The following ZNRF1 variants were observed in gnomAD, a reference collection of about 807,000 sequenced individuals.
ZNRF1 encodes the protein E3 ubiquitin-protein ligase ZNRF1.
Under a neutral mutation model 18.4 loss-of-function variants are expected in ZNRF1, and 3 were observed. The observed-to-expected ratio is 0.16, with a 90% CI of 0.07 to 0.42. ZNRF1 has a LOEUF of 0.42. ZNRF1 is among the 10% of genes least tolerant of loss of function. ZNRF1 has a pLI of 0.99. For synonymous variants in ZNRF1, 157 were observed against 144.2 expected, an observed-to-expected ratio of 1.09 and a Z score of -0.64; for missense variants, 310 against 329.8, an observed-to-expected ratio of 0.94 and a Z score of 0.47.
At chr16:75,002,815 C>A (rs1300017383) in intron 1 of ZNRF1, among the ~76,000 whole-genome samples, 3 of 152,242 alleles carry the variant, frequency 2.0e-5, no homozygotes, top group Non-Finnish European at 1.5e-5. Context: ...GTGACCCCCA[C>A]GTATACCATT....
intron 1 of ZNRF1, among the ~76,000 whole-genome samples, chr16:75,007,416 G>C (rs1281392862): frequency 2.0e-5 from 3 of 152,290 alleles, no homozygotes; most frequent in South Asian, 2.1e-4. Flanking sequence ...TGTTTACCTT[G>C]AGACCTCCCT....
At chr16:75,055,305 G>A (rs1340194730) in intron 1 of ZNRF1, among the ~76,000 whole-genome samples, 4 of 152,192 alleles carry the variant, frequency 2.6e-5, no homozygotes, top group East Asian at 3.9e-4. Flanking sequence ...GCGGAGTCTC[G>A]CTGTATCACC....
chr16:75,022,760 G>A lies in ZNRF1; in HGVS notation c.424+22665G>A, dbSNP rs376389106. On this transcript the variant is annotated intron_variant, in intron 1 of 4. Transcript: ENST00000335325. ...TCATTGCAGAAAGTGCTGTTGGACA[G>A]TGCTGCTCAAAACTCTTCCGTAGTG... Among the ~76,000 whole-genome samples, 12 of 152,306 alleles carry A rather than the reference G, an allele frequency of 7.9e-5. 2 individuals are homozygous for A. The highest frequency in any genetic ancestry group is 7.7e-4 in the East Asian group (4 of 5,190).
At chr16:75,049,283 G>T (rs1215245809) in intron 1 of ZNRF1, among the ~76,000 whole-genome samples, 7 of 152,104 alleles carry the variant, frequency 4.6e-5, no homozygotes, top group Non-Finnish European at 7.4e-5. Flanking sequence ...GGGATTACAG[G>T]TGTGAGCACC....
intron 1 of ZNRF1, among the ~76,000 whole-genome samples, chr16:75,029,518 G>A (rs1162162454): frequency 6.6e-6 from 1 of 152,182 alleles, no homozygotes; most frequent in Non-Finnish European, 1.5e-5. Flanking sequence ...TATAATCCCA[G>A]CACTTTGGGA....
intron 2 of ZNRF1, among the ~76,000 whole-genome samples, chr16:75,099,444 G>A (rs1033169704): frequency 1.1e-4 from 17 of 151,962 alleles, no homozygotes; most frequent in Middle Eastern, 3.4e-3. Context: ...CTCCAGGGCC[G>A]TGCTCGCCAT....
At chr16:75,106,330 G>C (rs1372803313) in intron 3 of ZNRF1, 152 bp from the exon 4 acceptor site, 5 of 703,012 alleles carry the variant, frequency 7.1e-6, no homozygotes, top group Non-Finnish European at 7.3e-6. Context: ...TCAGAAAGTA[G>C]GGATATCTGG....
rs530078153 is a variant in ZNRF1 at position 75,062,660 on chromosome 16, G to C, written c.425-30912G>C. On this transcript the variant is annotated intron_variant, in intron 1 of 4. Coordinates refer to ENST00000335325, the MANE Select transcript of ZNRF1 (RefSeq NM_032268.5). ...GCGGTCCTCAGTCTTTCATGACTTT[G>C]TGAGAGCCTCTGTACGTCAAGCCAC... Among the ~76,000 whole-genome samples the C allele has an allele frequency of 1.1e-4, 17 of 152,326 alleles. No individual in the cohort carries two copies. In the South Asian group the frequency reaches 2.7e-3, roughly 24 times the overall value.
At chr16:75,012,620 C>T (rs2035013268) in intron 1 of ZNRF1, among the ~76,000 whole-genome samples, 1 of 152,176 alleles carries the variant, frequency 6.6e-6, no homozygotes, top group East Asian at 1.9e-4. Context: ...TTTAGGGATA[C>T]TGAGAGCTTA....
intron 1 of ZNRF1, among the ~76,000 whole-genome samples, chr16:75,037,677 C>A (rs749961345): frequency 6.6e-6 from 1 of 151,012 alleles, no homozygotes; most frequent in Non-Finnish European, 1.5e-5. Context: ...CCACCCCAGA[C>A]CTTCTCTCCA....
intron 1 of ZNRF1, among the ~76,000 whole-genome samples, chr16:75,045,716 CTTTTTTTTTT>C (rs895489865): frequency 7.7e-6 from 1 of 130,374 alleles, no homozygotes; most frequent in African/African-American, 2.8e-5. Flanking sequence ...TCTTCTTCGT[CTTTTTTTTTT>C]TTTTTTTTTC....
intron 1 of ZNRF1, among the ~76,000 whole-genome samples, chr16:75,090,450 C>A (rs2036123787): frequency 6.6e-6 from 1 of 152,000 alleles, no homozygotes; most frequent in Admixed American, 6.6e-5. Context: ...ACTCCTGAGT[C>A]CAAGTGATCC....
chr16:75,019,975 T>G (rs1220621754), intron 1 of ZNRF1, among the ~76,000 whole-genome samples: 1 of 152,246 alleles, frequency 6.6e-6, no homozygotes, highest in East Asian at 1.9e-4. Flanking sequence ...CCTCCCAAAG[T>G]GCTGGGATTA....
At chr16:75,035,659 C>A (rs562843645) in intron 1 of ZNRF1, among the ~76,000 whole-genome samples, 10 of 152,192 alleles carry the variant, frequency 6.6e-5, no homozygotes, top group Non-Finnish European at 1.3e-4. Flanking sequence ...CGGTTTGACC[C>A]TTTGACTTGG....
chr16:75,030,720 A>T (rs996406313), intron 1 of ZNRF1, among the ~76,000 whole-genome samples: 1 of 152,114 alleles, frequency 6.6e-6, no homozygotes, highest in Non-Finnish European at 1.5e-5. Flanking sequence ...CCTATTCTGG[A>T]CATTTTATAT....
At chr16:75,025,735 C>T (rs1253528390) in intron 1 of ZNRF1, among the ~76,000 whole-genome samples, 1 of 152,210 alleles carries the variant, frequency 6.6e-6, no homozygotes, top group Non-Finnish European at 1.5e-5. Flanking sequence ...CTGAATGTGT[C>T]TAACTTGTTT....
At chr16:75,039,974 A>G (rs1486463560) in intron 1 of ZNRF1, among the ~76,000 whole-genome samples, 4 of 151,922 alleles carry the variant, frequency 2.6e-5, no homozygotes, top group Admixed American at 6.6e-5. Context: ...TTATAAATGT[A>G]CAATGAGATT....
intron 1 of ZNRF1, among the ~76,000 whole-genome samples, chr16:75,091,367 AAAAAG>A (rs1054538850): frequency 1.3e-5 from 2 of 150,754 alleles, no homozygotes; most frequent in African/African-American, 2.4e-5. Flanking sequence ...TCAAAAAAAA[AAAAAG>A]AAAAGAAAAG....
chr16:75,077,549 A>G (rs542612118), intron 1 of ZNRF1, among the ~76,000 whole-genome samples: 59 of 152,380 alleles, frequency 3.9e-4, no homozygotes, highest in Middle Eastern at 6.8e-3. Flanking sequence ...AAACAAAAAA[A>G]GAGTTGATTT....
Sources: gnomAD v4.1 joint callset for allele counts (sites outside exome capture counted in the v4.1 genomes callset) on GRCh38, gnomAD v4.1.1 for gene constraint, MANE v1.5 for transcripts, NCBI Gene and HGNC (gene_info 2026-07-23, HGNC 2026-07-21) for gene names.